Variants in PAX7 observed in about 807,000 individuals in gnomAD.
PAX7 encodes the protein paired box 7, also known as paired box protein Pax-7.
Under a neutral mutation model 50.7 loss-of-function variants are expected in PAX7, and 18 were observed. That is an observed-to-expected ratio of 0.36 (90% CI 0.25 to 0.53). The LOEUF is 0.53. Among genes scored for constraint, PAX7 ranks in the 20% least tolerant of loss-of-function variants. The pLI is 0.93. For missense variants in PAX7, 644 were observed against 702.9 expected (o/e 0.92, Z 0.95); for synonymous variants, 310 against 290.4 (o/e 1.07, Z -0.69).
chr1:18,703,237 A>G lies in PAX7; in HGVS notation c.1096A>G (p.Met366Val). 6.2e-7 allele frequency: 1 copy of G among 1,614,146 alleles called. No individual in the cohort carries two copies. Among genetic ancestry groups the G allele is most frequent in the Non-Finnish European group, 8.5e-7 (1 of 1,179,992 alleles). Reference protein sequence around the residue: ...HSFSSYSDSFMNPAAPSNHMN... With the variant: ...HSFSSYSDSFVNPAAPSNHMN... ...CTTCTCCAGCTACTCTGACAGCTTC[A>G]TGAATCCGGCGGCGCCCTCCAACCA... Residue 366 changes from methionine to valine, a missense_variant, in exon 7 of 9, where the codon ATG becomes GTG. Physicochemically the swap from Met to Val is conservative, Grantham distance 21. Coordinates refer to ENST00000420770, the MANE Select transcript of PAX7 (RefSeq NM_001135254.2).
Position 18,735,370 on chromosome 1 carries a change from G to A in PAX7, c.1156-262G>A, listed in dbSNP as rs531743029. On this transcript the variant is annotated intron_variant, in intron 7 of 8. Coordinates refer to ENST00000420770, the MANE Select transcript of PAX7 (RefSeq NM_001135254.2). The surrounding 1 kb of genome is among the most constrained non-coding windows in gnomAD (Gnocchi z 4.0). Reference sequence around the variant, plus strand: ...AGGGCCAGACCCTGGAGCTAGAGAGGCGAGTAAGGCCCTGCTGAGTTCTCA... The same window carrying A: ...AGGGCCAGACCCTGGAGCTAGAGAGACGAGTAAGGCCCTGCTGAGTTCTCA... Among the ~76,000 whole-genome samples the A allele has an allele frequency of 3.9e-5, 6 of 152,298 alleles. No individual in the cohort carries two copies. Among genetic ancestry groups the A allele is most frequent in the African/African-American group, 1.2e-4 (5 of 41,582 alleles).
At chr1:18,736,197 G>A (rs1388509167) in intron 8 of PAX7, 2 of 579,198 alleles carry the variant, frequency 3.5e-6, no homozygotes, top group African/African-American at 3.7e-5. Flanking sequence ...AGGCGTGGTG[G>A]CTCATGCCTG....
chr1:18,680,046 T>A (rs1322208805), intron 4 of PAX7, among the ~76,000 whole-genome samples: 1 of 152,186 alleles, frequency 6.6e-6, no homozygotes, highest in Non-Finnish European at 1.5e-5. Flanking sequence ...GCATGACAAC[T>A]CTGTGGGGTT....
intron 7 of PAX7, among the ~76,000 whole-genome samples, chr1:18,719,421 G>A (rs919841553): frequency 1.3e-5 from 2 of 152,234 alleles, no homozygotes; most frequent in Non-Finnish European, 2.9e-5. Context: ...GGGAATAGGA[G>A]ACAGTGTGCG....
chr1:18,729,405 C>T (rs1570239107), intron 7 of PAX7, among the ~76,000 whole-genome samples: 1 of 152,186 alleles, frequency 6.6e-6, no homozygotes, highest in East Asian at 1.9e-4. Flanking sequence ...GTTTCCCCAT[C>T]TGTGAACATG....
intron 7 of PAX7, among the ~76,000 whole-genome samples, chr1:18,706,523 G>A (rs989693895): frequency 2.0e-5 from 3 of 146,920 alleles, no homozygotes; most frequent in South Asian, 2.2e-4. Context: ...GTGCAGTGGC[G>A]CGATCTTGGC....
chr1:18,641,710 G>A (rs2088258275), intron 4 of PAX7, among the ~76,000 whole-genome samples: 1 of 152,220 alleles, frequency 6.6e-6, no homozygotes, highest in Admixed American at 6.5e-5. Context: ...ACGAGGCTGG[G>A]GGAAGACTTC....
chr1:18,701,959 C>T lies in PAX7; in HGVS notation c.953-1135C>T, dbSNP rs530087679. Among the ~76,000 whole-genome samples, 6 of 152,220 alleles carry T rather than the reference C, an allele frequency of 3.9e-5. No individual in the cohort carries two copies. The South Asian group carries it at 1.2e-3, about 32-fold the overall frequency. ...TGTAGGGGAAGAAGGGTTCCCTCCC[C>T]CTACCTCACCGGAACTTGCTCTCAT... On this transcript the variant is annotated intron_variant, in intron 6 of 8. Coordinates refer to ENST00000420770, the MANE Select transcript of PAX7 (RefSeq NM_001135254.2).
At chr1:18,673,893 G>A (rs1002170320) in intron 4 of PAX7, among the ~76,000 whole-genome samples, 1 of 152,232 alleles carries the variant, frequency 6.6e-6, no homozygotes, top group Non-Finnish European at 1.5e-5. Flanking sequence ...GAATATCTGT[G>A]TGTTGGTTTA....
intron 4 of PAX7, among the ~76,000 whole-genome samples, chr1:18,666,211 G>A (rs1031005819): frequency 6.6e-6 from 1 of 152,220 alleles, no homozygotes; most frequent in African/African-American, 2.4e-5. Context: ...TCCCCAGGCT[G>A]TGCCCATCTA....
At chr1:18,633,240 T>A (rs2088086504) in intron 1 of PAX7, among the ~76,000 whole-genome samples, 1 of 152,004 alleles carries the variant, frequency 6.6e-6, no homozygotes. Context: ...TACAGTCAGC[T>A]CCCTCCACTC....
At chr1:18,651,678 A>T (rs2088432853) in intron 4 of PAX7, among the ~76,000 whole-genome samples, 1 of 152,128 alleles carries the variant, frequency 6.6e-6, no homozygotes, top group African/African-American at 2.4e-5. Context: ...AGAGATTCCG[A>T]GTGTTCCAGA....
rs907372897 is a variant in PAX7 at position 18,746,279 on chromosome 1, T to C, written c.*1350T>C. On this transcript the variant is annotated 3_prime_UTR_variant, in exon 9 of 9. Transcript: ENST00000420770. ...TCCGGCACAGCTGAGCTGAGGCAGA[T>C]GTGACCAGTTTTCAAGCTACCAGCC... 9.1e-5 allele frequency: 21 copies of C among 229,860 alleles called. No homozygotes were observed. The highest frequency in any genetic ancestry group is 4.0e-4 in the African/African-American group (18 of 45,166). The allele number at this position is 229,860 out of a possible 1,614,324, so 14.2% of individuals were successfully genotyped here. A position where few individuals can be genotyped will look rare whatever the true frequency, so the allele number is the denominator to read the frequency against.
At chr1:18,691,134 C>T (rs1036647392) in intron 4 of PAX7, among the ~76,000 whole-genome samples, 1 of 152,164 alleles carries the variant, frequency 6.6e-6, no homozygotes, top group African/African-American at 2.4e-5. Context: ...TGCACTTCCA[C>T]ACTCAGCTAA....
Position 18,665,088 on chromosome 1 carries a change from A to C in PAX7, c.587-26666A>C, listed in dbSNP as rs116271179. On this transcript the variant is annotated intron_variant, in intron 4 of 8. Transcript: ENST00000420770. Reference sequence around the variant, plus strand: ...ATAGAGCTCCATTACAGGGTGGTTGAGTGGGTTAGATGATGTGATGTGTGC... The same window carrying C: ...ATAGAGCTCCATTACAGGGTGGTTGCGTGGGTTAGATGATGTGATGTGTGC... Among the ~76,000 whole-genome samples the C allele has an allele frequency of 1.8e-3, 277 of 152,196 alleles. 3 individuals are homozygous for C. The highest frequency in any genetic ancestry group is 6.4e-3 in the African/African-American group (264 of 41,522).
intron 4 of PAX7, among the ~76,000 whole-genome samples, chr1:18,673,574 T>C (rs2088783600): frequency 6.6e-6 from 1 of 152,308 alleles, no homozygotes; most frequent in Non-Finnish European, 1.5e-5. Context: ...GCAATAATTG[T>C]CCCAGGGTGC....
intron 4 of PAX7, among the ~76,000 whole-genome samples, chr1:18,685,682 G>A (rs1449990044): frequency 6.6e-6 from 1 of 152,258 alleles, no homozygotes; most frequent in Non-Finnish European, 1.5e-5. Context: ...GAAGCCATGA[G>A]TGGCTGGACA....
intron 7 of PAX7, among the ~76,000 whole-genome samples, chr1:18,709,259 G>C (rs973586828): frequency 1.3e-5 from 2 of 152,096 alleles, no homozygotes; most frequent in African/African-American, 4.8e-5. Context: ...CCACGACCTC[G>C]TGGAAGGGGC....
At chr1:18,691,975 C>G in intron 5 of PAX7, 22 bp downstream of exon 5, 1 of 1,602,794 alleles carries the variant, frequency 6.2e-7, no homozygotes. Context: ...CCTGCGGTGT[C>G]GGTGCTGCAG....
Sources: gnomAD v4.1 joint callset for allele counts (sites outside exome capture counted in the v4.1 genomes callset) on GRCh38, gnomAD v4.1.1 for gene constraint, Gnocchi (gnomAD v3.1) non-coding constraint, MANE v1.5 for transcripts, NCBI Gene and HGNC (gene_info 2026-07-23, HGNC 2026-07-21) for gene names.